The following TRAPPC9 variants were observed in gnomAD, a reference collection of about 807,000 sequenced individuals.
TRAPPC9 encodes trafficking protein particle complex subunit 9, also known as IKK2 binding protein.
A neutral mutation model predicts 124.0 loss-of-function variants in TRAPPC9; 83 were observed. That is an observed-to-expected ratio of 0.67 (90% confidence interval 0.56 to 0.80). TRAPPC9 has a LOEUF of 0.80. TRAPPC9 is among the 30% of genes least tolerant of loss of function. The pLI, the probability that TRAPPC9 is intolerant of heterozygous loss-of-function variation, is 0.00. For missense variants in TRAPPC9, 1,302 were observed against 1,508.3 expected, an observed-to-expected ratio of 0.86 and a Z score of 2.27; for synonymous variants, 638 against 617.5, an observed-to-expected ratio of 1.03 and a Z score of -0.49.
At chr8:139,910,992 G>A (rs1831690850) in intron 19 of TRAPPC9, among the ~76,000 whole-genome samples, 2 of 152,172 alleles carry the variant, frequency 1.3e-5, no homozygotes, top group African/African-American at 2.4e-5. Flanking sequence ...AGGCATGATT[G>A]GTTTTGAAAT....
At chr8:139,927,279 C>T (rs1832873589) in intron 19 of TRAPPC9, among the ~76,000 whole-genome samples, 1 of 151,828 alleles carries the variant, frequency 6.6e-6, no homozygotes. Context: ...CAGTCTCACT[C>T]TGTTACTCAA....
At chr8:140,349,368 C>CTGAAG (rs2067466941) in intron 9 of TRAPPC9, among the ~76,000 whole-genome samples, 1 of 93,276 alleles carries the variant, frequency 1.1e-5, no homozygotes, top group South Asian at 3.1e-4. Flanking sequence ...GAAGGGCGCG[C>CTGAAG]GAGGGAAGGG....
At chr8:140,183,924 GA>G (rs2062275253) in intron 17 of TRAPPC9, among the ~76,000 whole-genome samples, 1 of 52,410 alleles carries the variant, frequency 1.9e-5, no homozygotes, top group Non-Finnish European at 4.2e-5. Context: ...GAGGAGAGGA[GA>G]GGAGAGGAGA....
chr8:140,294,434 G>A (rs2065749659), intron 11 of TRAPPC9, among the ~76,000 whole-genome samples: 1 of 151,890 alleles, frequency 6.6e-6, no homozygotes, highest in Admixed American at 6.6e-5. Flanking sequence ...GCTAACGTCT[G>A]GTAATTAAGA....
At chr8:140,250,666 T>C (rs2064112221) in intron 16 of TRAPPC9, among the ~76,000 whole-genome samples, 1 of 152,186 alleles carries the variant, frequency 6.6e-6, no homozygotes, top group Admixed American at 6.5e-5. Flanking sequence ...TCCATAAAAC[T>C]TGACCTGGTT....
rs1870806 is a variant in TRAPPC9, at chr8:139,984,747, G to A, written c.2810+3979C>T. Among the ~76,000 whole-genome samples the A allele has an allele frequency of 0.91, 138,987 of 151,972 alleles. 63,752 individuals carry two copies. Among genetic ancestry groups the A allele is most frequent in the Middle Eastern group, 1 (293 of 294 alleles). ...AGAGAGGTTTGGGAAAGGGAGGGGA[G>A]GGGAATCATGCATTCTAGGGCTCAG... On this transcript the variant is annotated intron_variant, in intron 19 of 22. Coordinates refer to ENST00000438773, the MANE Select transcript of TRAPPC9 (RefSeq NM_001160372.4). This position sits in a 1 kb window ranked among gnomAD's most constrained non-coding sequence, Gnocchi z 4.3.
intron 21 of TRAPPC9, among the ~76,000 whole-genome samples, chr8:139,831,994 T>C (rs1204805469): frequency 1.3e-5 from 2 of 152,348 alleles, no homozygotes; most frequent in Middle Eastern, 3.4e-3. Flanking sequence ...GAAGTGTCCA[T>C]TAACCTTGTG....
chr8:139,966,618 C>T (rs928732226), intron 19 of TRAPPC9, among the ~76,000 whole-genome samples: 3 of 152,200 alleles, frequency 2.0e-5, no homozygotes, highest in African/African-American at 7.2e-5. Flanking sequence ...GCACACTCTG[C>T]GTCTCAATAA....
At chr8:139,763,859 A>G (rs1820406313) in intron 21 of TRAPPC9, among the ~76,000 whole-genome samples, 1 of 152,214 alleles carries the variant, frequency 6.6e-6, no homozygotes, top group Admixed American at 6.5e-5. Flanking sequence ...CATAGTGTGG[A>G]AGGGGTCAGG....
At position 139,910,282 on chromosome 8, in the gene TRAPPC9, G is replaced by C; in HGVS notation, c.2829C>G (p.Asp943Glu). ...CCGGGAAACTCTCAAAGTTGAACTT[G>C]TCCACTTGAATAGCCATTCTACGAG... Reference protein sequence around the residue: ...GECQRMAIQVDKFNFESFPES... With the variant: ...GECQRMAIQVEKFNFESFPES... Residue 943 changes from aspartate (D) to glutamate (E), a missense_variant, in exon 20 of 23, where the codon GAC (aspartate) becomes GAG (glutamate). Physicochemically the swap from Asp to Glu is conservative, Grantham distance 45 (BLOSUM62 2). Transcript: ENST00000438773. 6.2e-7 allele frequency: 1 copy of C among 1,614,148 alleles called. No individual in the cohort carries two copies. The highest frequency in any genetic ancestry group is 8.5e-7 in the Non-Finnish European group (1 of 1,180,036).
intron 17 of TRAPPC9, among the ~76,000 whole-genome samples, chr8:140,183,664 G>A (rs2062258725): frequency 1.3e-5 from 2 of 151,758 alleles, no homozygotes; most frequent in African/African-American, 4.8e-5. Flanking sequence ...TTCGAGACCA[G>A]CCTGGCCAAA....
chr8:140,402,537 T>C (rs547557059), intron 6 of TRAPPC9, among the ~76,000 whole-genome samples: 1 of 150,272 alleles, frequency 6.7e-6, no homozygotes, highest in Non-Finnish European at 1.5e-5. Flanking sequence ...CTACAAAAAA[T>C]ACAAAAAAAA....
intron 18 of TRAPPC9, among the ~76,000 whole-genome samples, chr8:140,002,323 A>G (rs1446095144): frequency 6.6e-6 from 1 of 152,146 alleles, no homozygotes. Context: ...ATAAAATCAA[A>G]GACCTACATA....
chr8:140,370,440 C>A (rs927249317), intron 8 of TRAPPC9, among the ~76,000 whole-genome samples: 1 of 152,048 alleles, frequency 6.6e-6, no homozygotes, highest in South Asian at 2.1e-4. Flanking sequence ...GTGCCTGGCC[C>A]CCAAAAATGT....
At chr8:139,782,752 G>C (rs990728668) in intron 21 of TRAPPC9, among the ~76,000 whole-genome samples, 1 of 152,152 alleles carries the variant, frequency 6.6e-6, no homozygotes, top group African/African-American at 2.4e-5. Context: ...GAAAATAGTA[G>C]AATATAAATT....
In TRAPPC9 at chr8:140,033,690, T is replaced by TTTG. The variant is rs1554611639; in HGVS notation, c.2557-9612_2557-9611insCAA. ...TTTTTTTTTTTTTTTTTTTTTTTTT[T>TTTG]TTTTTTTTTGAGACAGAGTCTCGCT... is the stretch of plus-strand genomic sequence containing the variant. On this transcript the variant is annotated intron_variant, in intron 17 of 22. Coordinates refer to ENST00000438773, the MANE Select transcript of TRAPPC9 (RefSeq NM_001160372.4). Among the ~76,000 whole-genome samples the TTTG allele has an allele frequency of 1.9e-5, 2 of 106,814 alleles. 1 individual carries two copies. 70.1% of individuals were successfully genotyped at this position (106,814 alleles called of 152,430 possible).
intron 19 of TRAPPC9, among the ~76,000 whole-genome samples, chr8:139,913,636 C>T (rs1831903645): frequency 6.6e-6 from 1 of 152,240 alleles, no homozygotes; most frequent in Admixed American, 6.5e-5. Flanking sequence ...CCCACATTTA[C>T]AATTGCCTTC....
intron 17 of TRAPPC9, among the ~76,000 whole-genome samples, chr8:140,072,507 G>T (rs1843217261): frequency 6.8e-6 from 1 of 147,368 alleles, no homozygotes; most frequent in Non-Finnish European, 1.5e-5. Context: ...GACAGAGCGA[G>T]ACTCCGTCTC....
intron 17 of TRAPPC9, among the ~76,000 whole-genome samples, chr8:140,176,863 A>G (rs1486897967): frequency 1.3e-5 from 2 of 152,192 alleles, no homozygotes; most frequent in Non-Finnish European, 2.9e-5. Context: ...CGCATAATGA[A>G]ATCTCCTCAT....
Sources: allele counts gnomAD v4.1 joint callset (sites outside exome capture counted in the v4.1 genomes callset), GRCh38; gene constraint gnomAD v4.1.1; non-coding constraint Gnocchi (gnomAD v3.1); transcripts MANE v1.5; gene names NCBI Gene and HGNC (gene_info 2026-07-23, HGNC 2026-07-21).